The following PDE7B variants were observed in gnomAD, a reference collection of about 807,000 sequenced individuals.
PDE7B encodes phosphodiesterase 7B, also known as 3',5'-cyclic-AMP phosphodiesterase 7B.
Under a neutral mutation model 56.2 loss-of-function variants are expected in PDE7B, and 29 were observed. The ratio of observed to expected loss-of-function variants is 0.52; its 90% CI spans 0.38 to 0.70. The LOEUF is 0.70. Ranked by LOEUF, PDE7B falls within the 30% of genes least tolerant of loss-of-function variation. The pLI is 0.00. For missense variants in PDE7B, 490 were observed against 565.0 expected (o/e 0.87, Z 1.35); for synonymous variants, 197 against 196.9 (o/e 1.00, Z 0.00).
Position 135,947,509 on chromosome 6 carries a change from T to A in PDE7B, c.67T>A (p.Cys23Ser), listed in dbSNP as rs749833797. Reference sequence around the variant, plus strand: ...TGAGAACCCCGATCAGAATGCCAAATGTGTTTGCATGCTGGGTAAGAAGGC... The same window carrying A: ...TGAGAACCCCGATCAGAATGCCAAAAGTGTTTGCATGCTGGGTAAGAAGGC... The part of the protein sequence containing the change: ...LFENPDQNAK[C>S]VCMLGDIRLR... The change falls in exon 2 of 13, where the codon TGT becomes AGT. Residue 23 changes from cysteine (C) to serine (S), a missense_variant. Coordinates refer to ENST00000308191, the MANE Select transcript of PDE7B (RefSeq NM_018945.4). 1.9e-6 allele frequency: 3 copies of A among 1,609,798 alleles called. No homozygotes were observed. Among genetic ancestry groups the A allele is most frequent in the Non-Finnish European group, 1.7e-6 (2 of 1,176,282 alleles).
chr6:136,044,031 T>G (rs1280919613), intron 2 of PDE7B: 2 of 152,164 alleles, frequency 1.3e-5, no homozygotes, highest in Non-Finnish European at 2.9e-5. Flanking sequence ...GCATCCTACT[T>G]GTTTTCTGCT....
At chr6:135,877,761 A>C (rs867942792) in intron 1 of PDE7B, among the ~76,000 whole-genome samples, 1,963 of 149,006 alleles carry the variant, frequency 0.013, 52 homozygotes, top group African/African-American at 0.048. Flanking sequence ...ACAAAAAAAA[A>C]AAAAAAGGGA....
chr6:136,186,351 C>A (rs893811968), intron 11 of PDE7B, among the ~76,000 whole-genome samples: 6 of 152,030 alleles, frequency 3.9e-5, no homozygotes, highest in Admixed American at 6.6e-5. Flanking sequence ...TTGTTTGAGC[C>A]TAGGAGTTTG....
At chr6:135,943,866 T>C (rs77726388) in intron 1 of PDE7B, among the ~76,000 whole-genome samples, 2,361 of 152,316 alleles carry the variant, frequency 0.016, 29 homozygotes, top group Non-Finnish European at 0.026. Context: ...CACACATGAA[T>C]TCATATCCTC....
At position 135,922,964 on chromosome 6, in the gene PDE7B, C is replaced by T. The variant is rs188316603; in HGVS notation, c.22-24500C>T. ...TTCTATCTTTCTGATTTCCCAGAGCCGTCCACTTCAGGATGTTTGGGCTTC... is the reference window on the plus strand; with the variant it reads ...TTCTATCTTTCTGATTTCCCAGAGCTGTCCACTTCAGGATGTTTGGGCTTC... On this transcript the variant is annotated intron_variant, in intron 1 of 12. Coordinates refer to ENST00000308191, the MANE Select transcript of PDE7B (RefSeq NM_018945.4). 5.3e-3 allele frequency among the ~76,000 whole-genome samples: 814 copies of T among 152,174 alleles called. 5 individuals are homozygous for T. The highest frequency in any genetic ancestry group is 9.3e-3 in the South Asian group (45 of 4,824).
intron 11 of PDE7B, 152 bp from the exon 12 acceptor site, chr6:136,186,884 A>G (rs996021613): frequency 3.2e-6 from 2 of 621,764 alleles, no homozygotes; most frequent in Non-Finnish European, 2.8e-6. Flanking sequence ...AAGGCAGAGC[A>G]AGTCGGTGCT....
chr6:136,084,343 A>C (rs1777254067), intron 2 of PDE7B, among the ~76,000 whole-genome samples: 2 of 152,206 alleles, frequency 1.3e-5, no homozygotes, highest in Admixed American at 1.3e-4. Context: ...GCAAACTGAA[A>C]TCTGCTTTCA....
At chr6:136,086,822 T>G (rs1040765104) in intron 2 of PDE7B, among the ~76,000 whole-genome samples, 3 of 152,208 alleles carry the variant, frequency 2.0e-5, no homozygotes, top group Middle Eastern at 3.2e-3. Context: ...TGTCAGTAAG[T>G]AAAGCAGTGT....
At chr6:136,085,165 G>A (rs924640096) in intron 2 of PDE7B, among the ~76,000 whole-genome samples, 1 of 152,162 alleles carries the variant, frequency 6.6e-6, no homozygotes, top group African/African-American at 2.4e-5. Context: ...ATTTAAGAGG[G>A]TCTTAAAGTG....
intron 2 of PDE7B, among the ~76,000 whole-genome samples, chr6:136,061,508 C>G (rs1227324911): frequency 6.6e-6 from 1 of 152,174 alleles, no homozygotes; most frequent in Non-Finnish European, 1.5e-5. Flanking sequence ...TCCTCTTCCT[C>G]TCTCCCACCC....
chr6:136,138,543 C>T (rs1002131885), intron 3 of PDE7B, among the ~76,000 whole-genome samples: 1 of 152,084 alleles, frequency 6.6e-6, no homozygotes, highest in East Asian at 1.9e-4. Flanking sequence ...CACGTTCTTC[C>T]CCTTTAGAAA....
chr6:135,944,854 G>A (rs761311643), intron 1 of PDE7B, among the ~76,000 whole-genome samples: 4 of 152,244 alleles, frequency 2.6e-5, no homozygotes, highest in Non-Finnish European at 5.9e-5. Context: ...GCCCCTAGAG[G>A]CCCTGCAAGG....
chr6:136,174,443 T>C (rs1778945097), intron 9 of PDE7B, among the ~76,000 whole-genome samples: 1 of 152,094 alleles, frequency 6.6e-6, no homozygotes, highest in South Asian at 2.1e-4. Context: ...AGACACTCAT[T>C]TTCTGGTTCA....
At chr6:135,878,695 T>C (rs1157982167) in intron 1 of PDE7B, among the ~76,000 whole-genome samples, 1 of 152,212 alleles carries the variant, frequency 6.6e-6, no homozygotes, top group Non-Finnish European at 1.5e-5. Context: ...TTTAGCATTC[T>C]TTATTCTCAC....
chr6:135,863,841 G>C (rs1025378766), intron 1 of PDE7B, among the ~76,000 whole-genome samples: 2 of 151,726 alleles, frequency 1.3e-5, no homozygotes, highest in Non-Finnish European at 2.9e-5. Flanking sequence ...AGGTGTGTCT[G>C]TTTACAAGCA....
rs79195136 is a variant in PDE7B, at chr6:135,941,157, C to T, written c.22-6307C>T. ...CAGATTCCCTTTGCCACTCTTGGGA[C>T]GGACAAGATGTACTTTACTTTCCAC... On this transcript the variant is annotated intron_variant, in intron 1 of 12. Coordinates refer to ENST00000308191, the MANE Select transcript of PDE7B (RefSeq NM_018945.4). Among the ~76,000 whole-genome samples, 384 of 152,280 alleles carry T rather than the reference C, an allele frequency of 2.5e-3. 1 individual carries two copies. Among genetic ancestry groups the T allele is most frequent in the Non-Finnish European group, 4.5e-3 (303 of 68,024 alleles).
intron 11 of PDE7B, among the ~76,000 whole-genome samples, chr6:136,184,297 T>A (rs1465421932): frequency 6.6e-6 from 1 of 152,200 alleles, no homozygotes; most frequent in Non-Finnish European, 1.5e-5. Context: ...AGTGAATGAA[T>A]AAATGATCTA....
chr6:135,970,127 A>C (rs1373636529), intron 2 of PDE7B, among the ~76,000 whole-genome samples: 2 of 152,156 alleles, frequency 1.3e-5, no homozygotes, highest in Non-Finnish European at 2.9e-5. Flanking sequence ...GCAGTGATGA[A>C]AATAAACAAA....
chr6:135,884,672 G>A (rs1333334229), intron 1 of PDE7B, among the ~76,000 whole-genome samples: 1 of 151,986 alleles, frequency 6.6e-6, no homozygotes, highest in Non-Finnish European at 1.5e-5. Context: ...CTTGTTCTTG[G>A]GGACACCTAT....
Sources: gnomAD v4.1 joint callset for allele counts (sites outside exome capture counted in the v4.1 genomes callset) on GRCh38, gnomAD v4.1.1 for gene constraint, MANE v1.5 for transcripts, NCBI Gene and HGNC (gene_info 2026-07-23, HGNC 2026-07-21) for gene names.